NACAD: variants seen among roughly 807,000 people sequenced by gnomAD.
The protein encoded by NACAD is NAC-alpha domain-containing protein 1.
NACAD carries 47 observed loss-of-function variants against 98.9 expected under a neutral mutation model. The observed-to-expected ratio is 0.48, with a 90% confidence interval of 0.38 to 0.61. NACAD has a LOEUF of 0.61. Ranked by LOEUF, NACAD falls within the 20% of genes least tolerant of loss-of-function variation. The pLI, the probability that NACAD is intolerant of heterozygous loss-of-function variation, is 0.00. For synonymous variants in NACAD, 696 were observed against 767.2 expected (o/e 0.91, Z 1.53); for missense variants, 1,412 against 1,748.2 (o/e 0.81, Z 3.43).
chr7:45,084,609 A>T lies in NACAD; in HGVS notation c.1571T>A (p.Met524Lys), dbSNP rs997422616. The T allele has an allele frequency of 7.7e-6, 12 of 1,551,756 alleles. No homozygotes were observed. The highest frequency in any genetic ancestry group is 9.6e-6 in the Non-Finnish European group (11 of 1,146,988). Residue 524 changes from methionine to lysine, a missense_variant, in exon 2 of 8, where the codon ATG (methionine) becomes AAG (lysine). By Grantham distance (95) the Met-to-Lys change is moderately conservative. This residue lies in a region of NACAD where 638 missense variants were observed against 722.7 expected (regional missense o/e 0.88). Coordinates refer to ENST00000490531, the MANE Select transcript of NACAD (RefSeq NM_001146334.2). ...GATGCCCTCCTGGGAGGGCTGAGGCATTGCCATGGCAGCAGATTCTTGTCC... is the reference window on the plus strand; with the variant it reads ...GATGCCCTCCTGGGAGGGCTGAGGCTTTGCCATGGCAGCAGATTCTTGTCC... ...TAGQESAAMA[M>K]PQPSQEGISE...
chr7:45,086,860 G>A (rs551999026), intron 1 of NACAD, among the ~76,000 whole-genome samples: 1 of 152,236 alleles, frequency 6.6e-6, no homozygotes, highest in Non-Finnish European at 1.5e-5. Context: ...AAGAGCACAG[G>A]ACAGCTTCAG....
chr7:45,083,272 C>A lies in NACAD; in HGVS notation c.2908G>T (p.Gly970Cys). 1.3e-6 allele frequency: 2 copies of A among 1,551,120 alleles called. No individual in the cohort carries two copies. The highest frequency in any genetic ancestry group is 1.7e-6 in the Non-Finnish European group (2 of 1,147,010). The change falls in exon 2 of 8, where the codon GGT (glycine) becomes TGT (cysteine). Residue 970 changes from glycine to cysteine, a missense_variant. Physicochemically the swap from Gly to Cys is radical, Grantham distance 159. Coordinates refer to ENST00000490531, the MANE Select transcript of NACAD (RefSeq NM_001146334.2). ...PVATMAQQEV[G>C]EALGPRPAPE... ...GCTGGCCTGGGGCCTAAGGCCTCAC[C>A]TACTTCCTGCTGAGCCATGGTGGCC...
In NACAD at chr7:45,085,904, G is replaced by A; in HGVS notation, c.276C>T (p.Ser92=). 2 of 1,546,714 alleles carry A rather than the reference G, an allele frequency of 1.3e-6. No individual in the cohort carries two copies. Among genetic ancestry groups the A allele is most frequent in the Non-Finnish European group, 1.7e-6 (2 of 1,145,664 alleles). The change falls in exon 2 of 8, where the codon AGC becomes AGT. Residue 92 remains serine (S), a synonymous_variant. Coordinates refer to ENST00000490531, the MANE Select transcript of NACAD (RefSeq NM_001146334.2). The surrounding 1 kb of genome is among the most constrained non-coding windows in gnomAD (Gnocchi z 6.1). ...AWADPGEGGP[S]PMLLPEGLSS... is the part of the protein sequence containing the mutation. ...ACAGGCCCTCAGGGAGGAGCATGGG[G>A]CTTGGGCCGCCCTCCCCTGGGTCCG...
rs1190866369 is a variant in NACAD, at chr7:45,088,727, C to T, written c.67+101G>A. ...AAAGGGGAGGGGACTCGAGGGGGGC[C>T]AGGGGGATGGGGGAGAGGGGTGAAA... On this transcript the variant is annotated intron_variant, in intron 1 of 7. Transcript: ENST00000490531. This position sits in a 1 kb window ranked among gnomAD's most constrained non-coding sequence, Gnocchi z 5.7. 2.0e-4 allele frequency: 180 copies of T among 910,300 alleles called. 1 individual carries two copies. In the African/African-American group the frequency reaches 4.0e-3, roughly 20 times the overall value. The allele number at this position is 910,300 out of a possible 1,614,324, so 56.4% of individuals were successfully genotyped here.
chr7:45,088,898 CTGG>C lies in NACAD; in HGVS notation c.-7_-5del. ...CGCGGGCAGCCTCCCCAGGCATGGCCTGGCCGTGCGCCCGCCCGTCCCTCAGTC... is the reference window on the plus strand; with the variant it reads ...CGCGGGCAGCCTCCCCAGGCATGGCCCCGTGCGCCCGCCCGTCCCTCAGTC... On this transcript the variant is annotated 5_prime_UTR_variant, in exon 1 of 8. Coordinates refer to ENST00000490531, the MANE Select transcript of NACAD (RefSeq NM_001146334.2). The surrounding 1 kb of genome is among the most constrained non-coding windows in gnomAD (Gnocchi z 5.7). The C allele has an allele frequency of 7.0e-7, 1 of 1,432,570 alleles. No homozygotes were observed. The allele number at this position is 1,432,570 out of a possible 1,614,324, so 88.7% of individuals were successfully genotyped here.
Position 45,085,405 on chromosome 7 carries a change from T to C in NACAD, c.775A>G (p.Met259Val), listed in dbSNP as rs371481847. 3 of 1,547,574 alleles carry C rather than the reference T, an allele frequency of 1.9e-6. No homozygotes were observed. The highest frequency in any genetic ancestry group is 2.4e-5 in the East Asian group (1 of 40,862). Residue 259 changes from methionine to valine, a missense_variant, in exon 2 of 8, where the codon ATG becomes GTG. Met to Val is a conservative substitution (Grantham distance 21). This residue lies in a region of NACAD where 638 missense variants were observed against 722.7 expected (regional missense o/e 0.88). Transcript: ENST00000490531. This position sits in a 1 kb window ranked among gnomAD's most constrained non-coding sequence, Gnocchi z 6.1. ...SGWGLSPQGS[M>V]VDERELHPAG... ...GGGTGCAGCTCTCGTTCATCCACCA[T>C]GGACCCCTGCGGGGACAGGCCCCAG...
At chr7:45,086,624 C>T (rs1784526823) in intron 1 of NACAD, among the ~76,000 whole-genome samples, 1 of 152,242 alleles carries the variant, frequency 6.6e-6, no homozygotes, top group Non-Finnish European at 1.5e-5. Context: ...GCTCTGCCTC[C>T]TCTCTCTGCT....
rs1457515310 is a variant in NACAD, at chr7:45,086,032, T to C, written c.148A>G (p.Ser50Gly). ...GGCAGGAACGTGAGGGCCAGGTGGC[T>C]GGGCCCTGGGGTCAGAGCACAGGGC... ...REPCALTPGP[S>G]HLALTFLPSK... Residue 50 changes from serine (S) to glycine (G), a missense_variant, in exon 2 of 8, where the codon AGC (serine) becomes GGC (glycine). Ser to Gly is a moderately conservative substitution (Grantham distance 56). Coordinates refer to ENST00000490531, the MANE Select transcript of NACAD (RefSeq NM_001146334.2). The C allele has an allele frequency of 2.5e-5, 38 of 1,534,740 alleles. No homozygotes were observed. The highest frequency in any genetic ancestry group is 3.2e-5 in the Non-Finnish European group (37 of 1,146,042).
chr7:45,081,471 T>C, intron 4 of NACAD, 130 bp downstream of exon 4: 3 of 1,293,660 alleles, frequency 2.3e-6, no homozygotes, highest in Non-Finnish European at 3.2e-6. Context: ...GTGTGTGGGT[T>C]ACTGGCATGG....
In NACAD at chr7:45,088,963, C is replaced by T; in HGVS notation, c.-69G>A. On this transcript the variant is annotated 5_prime_UTR_variant, in exon 1 of 8. Transcript: ENST00000490531. The surrounding 1 kb of genome is among the most constrained non-coding windows in gnomAD (Gnocchi z 5.7). Reference sequence around the variant, plus strand: ...CCGTCAGTCCGTGCCGCCGCCCCGCCGAGCCTGCGCGGCCACCGCCCCTCG... The same window carrying T: ...CCGTCAGTCCGTGCCGCCGCCCCGCTGAGCCTGCGCGGCCACCGCCCCTCG... 1 of 1,223,268 alleles carries T rather than the reference C, an allele frequency of 8.2e-7. No homozygotes were observed. The highest frequency in any genetic ancestry group is 1.0e-6 in the Non-Finnish European group (1 of 969,652). The allele number at this position is 1,223,268 out of a possible 1,614,324, so 75.8% of individuals were successfully genotyped here.
chr7:45,080,849 C>A, intron 6 of NACAD, 27 bp downstream of exon 6: 4 of 1,551,294 alleles, frequency 2.6e-6, no homozygotes, highest in Middle Eastern at 3.3e-4. Flanking sequence ...CCACCCCCTG[C>A]GAGGCCCTGG....
chr7:45,088,421 C>A lies in NACAD; in HGVS notation c.67+407G>T, dbSNP rs1259866992. Reference sequence around the variant, plus strand: ...GACCGGGTGCAACTGAGGACCCTCCCGGTGGTCACCTGATCGTACTGGGGG... The same window carrying A: ...GACCGGGTGCAACTGAGGACCCTCCAGGTGGTCACCTGATCGTACTGGGGG... On this transcript the variant is annotated intron_variant, in intron 1 of 7. Transcript: ENST00000490531. The surrounding 1 kb of genome is among the most constrained non-coding windows in gnomAD (Gnocchi z 5.7). 6.6e-6 allele frequency among the ~76,000 whole-genome samples: 1 copy of A among 152,194 alleles called. No individual in the cohort carries two copies. The highest frequency in any genetic ancestry group is 1.5e-5 in the Non-Finnish European group (1 of 68,032).
In NACAD at chr7:45,084,752, G is replaced by T; in HGVS notation, c.1428C>A (p.Gly476=). 1 of 1,551,050 alleles carries T rather than the reference G, an allele frequency of 6.4e-7. No individual in the cohort carries two copies. Among genetic ancestry groups the T allele is most frequent in the Non-Finnish European group, 8.7e-7 (1 of 1,146,926 alleles). Residue 476 remains glycine (G), a synonymous_variant, in exon 2 of 8, where the codon GGC becomes GGA. Transcript: ENST00000490531. ...GGGTCACAGTGGCAGTGGACTCCTG[G>T]CCTAAAGCAAGGCCCTCTTCTGTTA... ...SEVTEEGLAL[G]QESTATVTPH...
At position 45,085,017 on chromosome 7, in the gene NACAD, G is replaced by C. The variant is rs762089173; in HGVS notation, c.1163C>G (p.Ser388Cys). The change falls in exon 2 of 8, where the codon TCC (serine) becomes TGC (cysteine). Residue 388 changes from serine (S) to cysteine (C), a missense_variant. Ser to Cys is a moderately radical substitution (Grantham distance 112). Coordinates refer to ENST00000490531, the MANE Select transcript of NACAD (RefSeq NM_001146334.2). The surrounding 1 kb of genome is among the most constrained non-coding windows in gnomAD (Gnocchi z 6.1). ...FAFRDDTSAA[S>C]SDSDSASYAE... ...GTAGGAGGCTGAGTCTGAATCAGAGGAGGCTGCAGAGGTGTCGTCCCGGAA... is the reference window on the plus strand; with the variant it reads ...GTAGGAGGCTGAGTCTGAATCAGAGCAGGCTGCAGAGGTGTCGTCCCGGAA... The C allele has an allele frequency of 2.6e-6, 4 of 1,550,914 alleles. No homozygotes were observed. The South Asian group carries it at 3.6e-5, about 14-fold the overall frequency.
rs1247997269 is a variant in NACAD, at chr7:45,082,661, G to A, written c.3519C>T (p.Pro1173=). 6.6e-7 allele frequency: 1 copy of A among 1,507,632 alleles called. No homozygotes were observed. The highest frequency in any genetic ancestry group is 8.9e-7 in the Non-Finnish European group (1 of 1,124,260). The allele number at this position is 1,507,632 out of a possible 1,614,324, so 93.4% of individuals were successfully genotyped here. ...GCTGCTGGGAGGTTGGTGCAGACGT[G>A]GGGGCAGGCGCGTCAGGGCAGCCTC... is the stretch of plus-strand genomic sequence containing the variant. ...LDRGCPDAPA[P]TSAPTSQQPE... Residue 1173 remains proline, a synonymous_variant, in exon 2 of 8, where the codon CCC becomes CCT. Transcript: ENST00000490531. The surrounding 1 kb of genome is among the most constrained non-coding windows in gnomAD (Gnocchi z 4.5).
At chr7:45,081,059 T>TCC in intron 5 of NACAD, 37 bp from the exon 6 acceptor site, 2 of 1,550,382 alleles carry the variant, frequency 1.3e-6, no homozygotes, top group Non-Finnish European at 1.7e-6. Flanking sequence ...GTAGAGCCTG[T>TCC]CCCCCCCTTG....
In NACAD at chr7:45,082,572, G is replaced by A. The variant is rs915374291; in HGVS notation, c.3608C>T (p.Thr1203Ile). The change falls in exon 2 of 8, where the codon ACC (threonine) becomes ATC (isoleucine). Residue 1203 changes from threonine to isoleucine, a missense_variant. Physicochemically the swap from Thr to Ile is moderately conservative, Grantham distance 89 (BLOSUM62 -1). Around this residue, in one of 5 missense-constraint regions of NACAD, gnomAD observed 572 missense variants for 639.6 expected, o/e 0.89. Transcript: ENST00000490531. The surrounding 1 kb of genome is among the most constrained non-coding windows in gnomAD (Gnocchi z 4.5). ...QPHEVPSVLG[T>I]PLLQPPENLA... is the part of the protein sequence containing the mutation. ...GTTTTCTGGGGGCTGCAGCAAGGGGGTGCCAAGGACACTGGGTACTTCGTG... is the reference window on the plus strand; with the variant it reads ...GTTTTCTGGGGGCTGCAGCAAGGGGATGCCAAGGACACTGGGTACTTCGTG... The A allele has an allele frequency of 9.1e-6, 14 of 1,545,992 alleles. No individual in the cohort carries two copies. The highest frequency in any genetic ancestry group is 1.0e-5 in the Non-Finnish European group (12 of 1,144,832).
Position 45,085,045 on chromosome 7 carries a change from C to G in NACAD, c.1135G>C (p.Ala379Pro). The change falls in exon 2 of 8, where the codon GCC becomes CCC. Residue 379 changes from alanine (A) to proline (P), a missense_variant. Coordinates refer to ENST00000490531, the MANE Select transcript of NACAD (RefSeq NM_001146334.2). The surrounding 1 kb of genome is among the most constrained non-coding windows in gnomAD (Gnocchi z 6.1). ...SITEGMDEAF[A>P]FRDDTSAASS... is the part of the protein sequence containing the mutation. ...GCTGCAGAGGTGTCGTCCCGGAAGG[C>G]AAAAGCCTCGTCCATGCCCTCCGTG... is the stretch of plus-strand genomic sequence containing the variant. 3.2e-6 allele frequency: 5 copies of G among 1,550,940 alleles called. No homozygotes were observed. Among genetic ancestry groups the G allele is most frequent in the Non-Finnish European group, 4.4e-6 (5 of 1,146,864 alleles).
chr7:45,085,337 A>T lies in NACAD; in HGVS notation c.843T>A (p.Ser281=). The change falls in exon 2 of 8, where the codon TCT becomes TCA. Residue 281 remains serine, a synonymous_variant. Coordinates refer to ENST00000490531, the MANE Select transcript of NACAD (RefSeq NM_001146334.2). This position sits in a 1 kb window ranked among gnomAD's most constrained non-coding sequence, Gnocchi z 6.1. ...PEPPSSESSL[S]ADSSSSWGQE... ...GGCCCCAGGAGGAGCTGCTGTCTGC[A>T]GAGAGGCTGGACTCAGAGGACGGGG... 2.6e-6 allele frequency: 4 copies of T among 1,550,916 alleles called. No homozygotes were observed. The highest frequency in any genetic ancestry group is 2.4e-5 in the South Asian group (2 of 84,044).
Sources: allele counts gnomAD v4.1 joint callset (sites outside exome capture counted in the v4.1 genomes callset), GRCh38; gene constraint gnomAD v4.1.1; regional missense constraint gnomAD v4.1.1; non-coding constraint Gnocchi (gnomAD v3.1); transcripts MANE v1.5; gene names NCBI Gene and HGNC (gene_info 2026-07-23, HGNC 2026-07-21).